Variants in SMPD3 observed in about 807,000 individuals in gnomAD.
SMPD3 encodes sphingomyelin phosphodiesterase 3.
SMPD3 carries 21 observed loss-of-function variants against 55.7 expected under a neutral mutation model. That is an observed-to-expected ratio of 0.38 (90% CI 0.27 to 0.54). The LOEUF (loss-of-function observed/expected upper bound fraction) is 0.54. SMPD3 is among the 20% of genes least tolerant of loss of function. The pLI is 0.80. For missense variants in SMPD3, 842 were observed against 899.6 expected, an observed-to-expected ratio of 0.94 and a Z score of 0.82; for synonymous variants, 457 against 404.3, an observed-to-expected ratio of 1.13 and a Z score of -1.56.
rs531718469 is a variant in SMPD3, at chr16:68,434,560, G to C, written c.-269+13793C>G. ...GAGTCTTCTGTATGAATTTAATCTAGAACCTTTGTCTTCTTACAAGGGAAT... is the reference window on the plus strand; with the variant it reads ...GAGTCTTCTGTATGAATTTAATCTACAACCTTTGTCTTCTTACAAGGGAAT... On this transcript the variant is annotated intron_variant, in intron 1 of 8. Coordinates refer to ENST00000219334, the MANE Select transcript of SMPD3 (RefSeq NM_018667.4). Among the ~76,000 whole-genome samples the C allele has an allele frequency of 7.2e-5, 11 of 152,256 alleles. No individual in the cohort carries two copies. The South Asian group carries it at 2.3e-3, about 32-fold the overall frequency.
At chr16:68,372,484 C>T (rs2089697805) in intron 2 of SMPD3, 97 bp from the exon 3 acceptor site, 1 of 465,690 alleles carries the variant, frequency 2.1e-6, no homozygotes, top group South Asian at 2.1e-5. Context: ...TCCTGCTTCC[C>T]CTGGTGTGAG....
chr16:68,422,981 C>T (rs1490059039), intron 1 of SMPD3, among the ~76,000 whole-genome samples: 1 of 152,152 alleles, frequency 6.6e-6, no homozygotes, highest in Admixed American at 6.5e-5. Flanking sequence ...AATGGTAAAC[C>T]TTTCCACAGT....
At chr16:68,411,459 T>C (rs1203439259) in intron 1 of SMPD3, among the ~76,000 whole-genome samples, 1 of 152,152 alleles carries the variant, frequency 6.6e-6, no homozygotes, top group East Asian at 1.9e-4. Flanking sequence ...TGATTCCTGC[T>C]TAGGGCCTCT....
At position 68,376,289 on chromosome 16, in the gene SMPD3, G is replaced by A. The variant is rs372957395; in HGVS notation, c.-206-3902C>T. Among the ~76,000 whole-genome samples the A allele has an allele frequency of 7.2e-5, 11 of 152,376 alleles. No homozygotes were observed. The East Asian group carries it at 9.6e-4, about 13-fold the overall frequency. On this transcript the variant is annotated intron_variant, in intron 2 of 8. Coordinates refer to ENST00000219334, the MANE Select transcript of SMPD3 (RefSeq NM_018667.4). ...GCCTGCTGCGTGGTGGTGCTCAGCC[G>A]CACTGGTGCCTGTCCCCTTCCTGTT...
chr16:68,417,828 C>T (rs983696981), intron 1 of SMPD3, among the ~76,000 whole-genome samples: 3 of 152,222 alleles, frequency 2.0e-5, no homozygotes, highest in African/African-American at 7.2e-5. Flanking sequence ...AATGAGTAAA[C>T]ACATACATAC....
At chr16:68,438,797 C>T (rs2152033815) in intron 1 of SMPD3, among the ~76,000 whole-genome samples, 1 of 152,258 alleles carries the variant, frequency 6.6e-6, no homozygotes. Flanking sequence ...CACCCTCCCT[C>T]CTTCAAAATA....
At chr16:68,373,293 A>G (rs2166767) in intron 2 of SMPD3, among the ~76,000 whole-genome samples, 85,999 of 152,120 alleles carry the variant, frequency 0.57, 24,737 homozygotes, top group East Asian at 0.79. Context: ...GCAGACTCAG[A>G]GCTCCACCTA....
At chr16:68,368,271 G>C (rs2089545203) in intron 3 of SMPD3, 1 of 152,054 alleles carries the variant, frequency 6.6e-6, no homozygotes, top group Non-Finnish European at 1.5e-5. Context: ...AGACAAGCAG[G>C]GGCCAGGGGT....
At chr16:68,364,043 C>G (rs921969973) in intron 5 of SMPD3, among the ~76,000 whole-genome samples, 177 bp from the exon 6 acceptor site, 1 of 152,110 alleles carries the variant, frequency 6.6e-6, no homozygotes, top group Admixed American at 6.5e-5. Context: ...TTTGTCGCTG[C>G]TTTTCTGTGT....
At chr16:68,427,028 G>C (rs1164675568) in intron 1 of SMPD3, among the ~76,000 whole-genome samples, 1 of 112,064 alleles carries the variant, frequency 8.9e-6, no homozygotes, top group Non-Finnish European at 1.7e-5. Flanking sequence ...ACAGAGTCTT[G>C]CTCTGTCACC....
chr16:68,411,362 G>A (rs1317603433), intron 1 of SMPD3, among the ~76,000 whole-genome samples: 1 of 152,212 alleles, frequency 6.6e-6, no homozygotes, highest in Non-Finnish European at 1.5e-5. Flanking sequence ...TGGTGTCTGA[G>A]GACAACCACC....
intron 5 of SMPD3, 21 bp from the exon 6 acceptor site, chr16:68,363,887 C>G (rs777917672): frequency 6.5e-7 from 1 of 1,547,606 alleles, no homozygotes; most frequent in Admixed American, 2.0e-5. Context: ...AGGGAGGAAA[C>G]GCTGAGGCAC....
chr16:68,441,330 A>G (rs569975643), intron 1 of SMPD3, among the ~76,000 whole-genome samples: 12 of 152,226 alleles, frequency 7.9e-5, no homozygotes, highest in Non-Finnish European at 1.5e-4. Flanking sequence ...AATTGATTAC[A>G]GACCTACTTT....
In SMPD3 at chr16:68,443,844, G is replaced by A. The variant is rs1415416520; in HGVS notation, c.-269+4509C>T. The stretch of plus-strand genomic sequence containing the variant: ...CTGTAATAGCAATAGGGAAAAAACA[G>A]TGGTAAGGAGGAACTTCCAGAGTTT... On this transcript the variant is annotated intron_variant, in intron 1 of 8. Coordinates refer to ENST00000219334, the MANE Select transcript of SMPD3 (RefSeq NM_018667.4). Among the ~76,000 whole-genome samples the A allele has an allele frequency of 3.9e-5, 6 of 152,148 alleles. No individual in the cohort carries two copies. In the South Asian group the frequency reaches 1.2e-3, roughly 31 times the overall value.
At chr16:68,444,793 C>T (rs1012993850) in intron 1 of SMPD3, among the ~76,000 whole-genome samples, 1 of 152,186 alleles carries the variant, frequency 6.6e-6, no homozygotes, top group African/African-American at 2.4e-5. Flanking sequence ...GGCAATTTAG[C>T]TTTTCACTCT....
At chr16:68,365,193 C>G (rs2089440235) in intron 3 of SMPD3, 101 bp from the exon 4 acceptor site, 1 of 1,210,178 alleles carries the variant, frequency 8.3e-7, no homozygotes, top group African/African-American at 1.5e-5. Flanking sequence ...CAGACCCTCA[C>G]AAGCCTGGCT....
At chr16:68,426,611 T>C (rs1199213880) in intron 1 of SMPD3, among the ~76,000 whole-genome samples, 3 of 152,188 alleles carry the variant, frequency 2.0e-5, no homozygotes, top group African/African-American at 7.2e-5. Flanking sequence ...CTCTTAACAA[T>C]TGATTTAAAA....
chr16:68,374,785 GA>G (rs1243490225), intron 2 of SMPD3, among the ~76,000 whole-genome samples: 1 of 152,122 alleles, frequency 6.6e-6, no homozygotes, highest in East Asian at 1.9e-4. Context: ...ACACTGGCTG[GA>G]CTGACATCCA....
At chr16:68,443,259 T>C (rs2090582256) in intron 1 of SMPD3, among the ~76,000 whole-genome samples, 2 of 152,106 alleles carry the variant, frequency 1.3e-5, no homozygotes, top group African/African-American at 2.4e-5. Flanking sequence ...AGAGCTTTGG[T>C]TGGGTGGCAT....
Sources: gnomAD v4.1 joint callset for allele counts (sites outside exome capture counted in the v4.1 genomes callset) on GRCh38, gnomAD v4.1.1 for gene constraint, MANE v1.5 for transcripts, NCBI Gene and HGNC (gene_info 2026-07-23, HGNC 2026-07-21) for gene names.